The following CEP350 variants were observed in gnomAD, a reference collection of about 807,000 sequenced individuals.
The protein encoded by CEP350 is centrosomal protein 350.
A neutral mutation model predicts 331.8 loss-of-function variants in CEP350; 126 were observed. That is an observed-to-expected ratio of 0.38 (90% CI 0.33 to 0.44). CEP350 has a LOEUF of 0.44. Ranked by LOEUF, CEP350 falls within the 20% of genes least tolerant of loss-of-function variation. The pLI, the probability that CEP350 is intolerant of heterozygous loss-of-function variation, is 1.00. For synonymous variants in CEP350, 1,200 were observed against 1,259.5 expected, an observed-to-expected ratio of 0.95 and a Z score of 1.00; for missense variants, 3,406 against 3,634.6, an observed-to-expected ratio of 0.94 and a Z score of 1.62.
chr1:180,017,371 T>C (rs1329916031), intron 11 of CEP350, among the ~76,000 whole-genome samples: 2 of 152,238 alleles, frequency 1.3e-5, no homozygotes, highest in Admixed American at 1.3e-4. Context: ...ATTTATTTAC[T>C]TATTTTTCTA....
chr1:180,091,203 C>CGG (rs200012940), intron 33 of CEP350, among the ~76,000 whole-genome samples: 5 of 150,160 alleles, frequency 3.3e-5, no homozygotes, highest in African/African-American at 1.2e-4. Context: ...TTTTAAGAGA[C>CGG]GGGGGGGTCT....
intron 4 of CEP350, among the ~76,000 whole-genome samples, chr1:179,991,143 C>T (rs576473132): frequency 2.0e-5 from 3 of 150,746 alleles, no homozygotes; most frequent in South Asian, 4.2e-4. Context: ...TTTTTTAATT[C>T]ACAGATATAT....
Position 180,013,925 on chromosome 1 carries a change from C to T in CEP350, c.1472C>T (p.Ser491Leu), listed in dbSNP as rs372724544. Residue 491 changes from serine to leucine, a missense_variant, in exon 10 of 38, where the codon TCG becomes TTG. Coordinates refer to ENST00000367607, the MANE Select transcript of CEP350 (RefSeq NM_014810.5). ...CATCTTCAAAGAAACTCAGAACGTT[C>T]GAGAAGTAAATCTCGGTCTGAAAAT... ...HRHLQRNSER[S>L]RSKSRSENNI... 1.4e-5 allele frequency: 23 copies of T among 1,613,530 alleles called. No individual in the cohort carries two copies. The highest frequency in any genetic ancestry group is 8.0e-5 in the African/African-American group (6 of 74,842).
intron 36 of CEP350, 99 bp downstream of exon 36, chr1:180,096,283 C>T (rs1660475461): frequency 9.7e-6 from 13 of 1,340,144 alleles, no homozygotes; most frequent in Middle Eastern, 2.7e-4. Context: ...GTATGATTAA[C>T]CTTTGTGTCT....
In CEP350 at chr1:180,020,214, A is replaced by G; in HGVS notation, c.2440A>G (p.Ser814Gly). 1 of 1,614,042 alleles carries G rather than the reference A, an allele frequency of 6.2e-7. No individual in the cohort carries two copies. Among genetic ancestry groups the G allele is most frequent in the African/African-American group, 1.3e-5 (1 of 75,076 alleles). ...AAYTDALLKP[S>G]ASQYKSKLDR... Reference sequence around the variant, plus strand: ...TTATACAGATGCCTTGTTAAAACCTAGTGCCAGCCAATATAAGAGTAAACT... The same window carrying G: ...TTATACAGATGCCTTGTTAAAACCTGGTGCCAGCCAATATAAGAGTAAACT... Residue 814 changes from serine (S) to glycine (G), a missense_variant, in exon 12 of 38, where the codon AGT becomes GGT. Ser to Gly is a moderately conservative substitution (Grantham distance 56, BLOSUM62 0). This residue lies in a region of CEP350 where 1,857 missense variants were observed against 1,909.2 expected (regional missense o/e 0.97). Transcript: ENST00000367607.
intron 30 of CEP350, 47 bp downstream of exon 30, chr1:180,080,708 C>A: frequency 2.6e-6 from 4 of 1,535,550 alleles, no homozygotes; most frequent in Non-Finnish European, 3.6e-6. Context: ...ATTTGAACAG[C>A]CTTTACTCTA....
intron 1 of CEP350, among the ~76,000 whole-genome samples, chr1:179,971,354 C>T (rs947238352): frequency 3.3e-5 from 5 of 151,742 alleles, no homozygotes; most frequent in Admixed American, 2.0e-4. Flanking sequence ...GACAGGGTCT[C>T]ACCCCATTGC....
chr1:180,024,017 A>G (rs930529612), intron 13 of CEP350, among the ~76,000 whole-genome samples: 2 of 152,100 alleles, frequency 1.3e-5, no homozygotes, highest in African/African-American at 2.4e-5. Context: ...GTGACATTTA[A>G]TATCACCAAT....
chr1:180,080,594 C>T lies in CEP350; in HGVS notation c.6057C>T (p.His2019=). Residue 2019 remains histidine (H), a synonymous_variant, in exon 30 of 38, where the codon CAC becomes CAT. Transcript: ENST00000367607. ...GTCATAGGACTGGAGGACAATGTCA[C>T]CTGCCTATCAAGTCCCATCAGCACT... ...KGSHRTGGQC[H]LPIKSHQHCY... is the part of the protein sequence containing the mutation. The T allele has an allele frequency of 6.2e-7, 1 of 1,613,828 alleles. No individual in the cohort carries two copies. The highest frequency in any genetic ancestry group is 8.5e-7 in the Non-Finnish European group (1 of 1,179,790).
intron 4 of CEP350, among the ~76,000 whole-genome samples, chr1:179,991,126 G>T (rs1223745064): frequency 2.0e-5 from 3 of 150,616 alleles, no homozygotes; most frequent in Non-Finnish European, 4.4e-5. Context: ...ATATATGTCT[G>T]ATTTTTTTTT....
At chr1:180,071,389 A>G (rs1016122537) in intron 27 of CEP350, among the ~76,000 whole-genome samples, 10 of 150,288 alleles carry the variant, frequency 6.7e-5, no homozygotes, top group Non-Finnish European at 1.0e-4. Context: ...AACCCGGGAG[A>G]CGGAGATTGT....
At chr1:179,970,082 C>T (rs754377645) in intron 1 of CEP350, among the ~76,000 whole-genome samples, 1 of 152,098 alleles carries the variant, frequency 6.6e-6, no homozygotes, top group Non-Finnish European at 1.5e-5. Context: ...ATTTCTGGTC[C>T]TGTTTGCTGC....
intron 22 of CEP350, among the ~76,000 whole-genome samples, chr1:180,051,487 G>A (rs958237293): frequency 1.6e-4 from 25 of 152,064 alleles, no homozygotes; most frequent in African/African-American, 5.1e-4. Context: ...ACGGAGCAAC[G>A]TTTAGGATGA....
At chr1:180,097,932 G>A (rs1222129649) in intron 36 of CEP350, among the ~76,000 whole-genome samples, 1 of 152,034 alleles carries the variant, frequency 6.6e-6, no homozygotes, top group Non-Finnish European at 1.5e-5. Flanking sequence ...TAGTAGTTTT[G>A]CCAGCTTGAA....
chr1:180,004,856 GGGCA>G (rs1163724744), intron 7 of CEP350, among the ~76,000 whole-genome samples: 1 of 149,324 alleles, frequency 6.7e-6, no homozygotes, highest in African/African-American at 2.5e-5. Context: ...CTCAGAGCTT[GGGCA>G]GGCAGGCTGG....
chr1:180,061,562 C>T, intron 25 of CEP350, among the ~76,000 whole-genome samples: 1 of 152,134 alleles, frequency 6.6e-6, no homozygotes, highest in African/African-American at 2.4e-5. Flanking sequence ...CAATTATTAG[C>T]AGTGAAGTGT....
At chr1:180,005,363 T>TA (rs1654185630) in intron 7 of CEP350, among the ~76,000 whole-genome samples, 2 of 152,238 alleles carry the variant, frequency 1.3e-5, no homozygotes, top group South Asian at 4.1e-4. Context: ...TCTATCCCTC[T>TA]AATTGTTCAG....
At chr1:180,071,504 C>T (rs537763672) in intron 27 of CEP350, among the ~76,000 whole-genome samples, 11 of 151,138 alleles carry the variant, frequency 7.3e-5, no homozygotes, top group South Asian at 4.2e-4. Context: ...AAGCTGTGCG[C>T]GGTGGCTCAG....
chr1:180,027,511 A>C lies in CEP350; in HGVS notation c.3550+2929A>C, dbSNP rs1187232491. ...ATCAGTCCTTCCACTCAGCCTCCCAAGTAGCTGGGACTACAGGCACACAAC... is the reference window on the plus strand; with the variant it reads ...ATCAGTCCTTCCACTCAGCCTCCCACGTAGCTGGGACTACAGGCACACAAC... On this transcript the variant is annotated intron_variant, in intron 14 of 37. Coordinates refer to ENST00000367607, the MANE Select transcript of CEP350 (RefSeq NM_014810.5). Among the ~76,000 whole-genome samples, 4 of 152,060 alleles carry C rather than the reference A, an allele frequency of 2.6e-5. No individual in the cohort carries two copies. The East Asian group carries it at 7.7e-4, about 29-fold the overall frequency.
Sources: gnomAD v4.1 joint callset for allele counts (sites outside exome capture counted in the v4.1 genomes callset) on GRCh38, gnomAD v4.1.1 for gene constraint, gnomAD v4.1.1 regional missense constraint, MANE v1.5 for transcripts, NCBI Gene and HGNC (gene_info 2026-07-23, HGNC 2026-07-21) for gene names.